MUC7: variants seen among roughly 807,000 people sequenced by gnomAD.
The protein encoded by MUC7 is mucin-7.
MUC7 carries 2 observed loss-of-function variants against 2.5 expected under a neutral mutation model. The observed-to-expected ratio is 0.81, with a 90% CI of 0.33 to 2.55. The LOEUF (loss-of-function observed/expected upper bound fraction) is 2.55. Among genes scored for constraint, MUC7 ranks in the 30% most tolerant of loss-of-function variants. The pLI is 0.11. For synonymous variants in MUC7, 133 were observed against 173.4 expected, an observed-to-expected ratio of 0.77 and a Z score of 1.83; for missense variants, 408 against 455.6, an observed-to-expected ratio of 0.90 and a Z score of 0.95.
intron 1 of MUC7, among the ~76,000 whole-genome samples, chr4:70,443,742 T>C (rs769291987): frequency 8.6e-5 from 13 of 152,014 alleles, no homozygotes; most frequent in Non-Finnish European, 4.4e-5. Context: ...CAAAAACTTA[T>C]AGATGAAAAT....
intron 1 of MUC7, among the ~76,000 whole-genome samples, chr4:70,436,371 C>T (rs1733833156): frequency 6.6e-6 from 1 of 152,050 alleles, no homozygotes; most frequent in South Asian, 2.1e-4. Flanking sequence ...TCACATAGTC[C>T]CATATTTCCT....
intron 1 of MUC7, among the ~76,000 whole-genome samples, chr4:70,431,219 T>G (rs1303293199): frequency 1.3e-5 from 2 of 152,064 alleles, no homozygotes; most frequent in African/African-American, 4.8e-5. Context: ...ATGAGAAAAA[T>G]GTTTTTACAA....
chr4:70,438,872 G>A (rs562923830), intron 1 of MUC7, among the ~76,000 whole-genome samples: 1 of 152,128 alleles, frequency 6.6e-6, no homozygotes, highest in African/African-American at 2.4e-5. Flanking sequence ...TATATTCAAG[G>A]GACACTAATA....
Position 70,434,626 on chromosome 4 carries a change from C to T in MUC7, c.-93+3939C>T, listed in dbSNP as rs560506725. Among the ~76,000 whole-genome samples the T allele has an allele frequency of 7.2e-5, 11 of 152,170 alleles. No homozygotes were observed. In the South Asian group the frequency reaches 2.3e-3, roughly 32 times the overall value. ...CTTCTCTCTTTTCTTATTAGTCTTG[C>T]TAGCAGTCTATTTTGCTGATCTTTT... On this transcript the variant is annotated intron_variant, in intron 1 of 3. Coordinates refer to the MUC7 transcript ENST00000413702.
intron 1 of MUC7, among the ~76,000 whole-genome samples, chr4:70,461,149 T>A (rs1734547301): frequency 6.6e-6 from 1 of 152,230 alleles, no homozygotes; most frequent in Non-Finnish European, 1.5e-5. Flanking sequence ...TACATGTTAC[T>A]CATGCCTTCT....
chr4:70,451,040 G>A (rs1008390864), intron 1 of MUC7, among the ~76,000 whole-genome samples: 3 of 152,090 alleles, frequency 2.0e-5, no homozygotes, highest in Non-Finnish European at 4.4e-5. Context: ...CAGCCTTTAT[G>A]GCCTAGACTG....
intron 1 of MUC7, among the ~76,000 whole-genome samples, chr4:70,444,104 T>C (rs752664877): frequency 6.6e-6 from 1 of 152,194 alleles, no homozygotes; most frequent in Non-Finnish European, 1.5e-5. Context: ...TTGTGACATT[T>C]GCAATGCTAA....
intron 2 of MUC7, among the ~76,000 whole-genome samples, chr4:70,480,430 C>T (rs545653762): frequency 3.3e-5 from 5 of 152,160 alleles, no homozygotes; most frequent in Non-Finnish European, 7.3e-5. Context: ...GTTTTGTGAA[C>T]AGGCTGAGCA....
rs1428393327 is a variant in MUC7 at position 70,480,662 on chromosome 4, A to G, written c.55-137A>G. ...GAAACTTGGTGAAATTAGGAAGATA[A>G]TCACTTGACTCAATAATGTACTCTG... is the stretch of plus-strand genomic sequence containing the variant. On this transcript the variant is annotated intron_variant, in intron 2 of 2. Transcript: ENST00000304887. The G allele has an allele frequency of 3.4e-6, 3 of 885,312 alleles. No homozygotes were observed. The African/African-American group carries it at 5.1e-5, about 15-fold the overall frequency. The allele number at this position is 885,312 out of a possible 1,614,324, so 54.8% of individuals were successfully genotyped here. A position where few individuals can be genotyped will look rare whatever the true frequency, so the allele number is the denominator to read the frequency against.
chr4:70,480,793 C>A lies in MUC7; in HGVS notation c.55-6C>A, dbSNP rs774657877. On this transcript the variant is annotated splice_polypyrimidine_tract_variant and splice_region_variant and intron_variant, in intron 2 of 2. Transcript: ENST00000304887. Reference sequence around the variant, plus strand: ...TCATTTCTTACATTTTCTTTCTTTTCTGCAGTTCAGTGAAGGTCGAGAAAG... The same window carrying A: ...TCATTTCTTACATTTTCTTTCTTTTATGCAGTTCAGTGAAGGTCGAGAAAG... The A allele has an allele frequency of 2.5e-6, 4 of 1,607,224 alleles. No homozygotes were observed. The East Asian group carries it at 6.7e-5, about 27-fold the overall frequency.
chr4:70,432,291 T>C (rs1038046133), intron 1 of MUC7, among the ~76,000 whole-genome samples: 2 of 152,226 alleles, frequency 1.3e-5, no homozygotes, highest in African/African-American at 4.8e-5. Flanking sequence ...TCAAATGGTA[T>C]TTCTAGTTTT....
chr4:70,473,709 A>G (rs974925323), intron 1 of MUC7, among the ~76,000 whole-genome samples: 2 of 152,208 alleles, frequency 1.3e-5, no homozygotes, highest in African/African-American at 4.8e-5. Context: ...TCTTATTGCT[A>G]AACTTCCTAA....
chr4:70,472,132 T>C (rs537252629), upstream of MUC7: 9 of 152,222 alleles, frequency 5.9e-5, no homozygotes, highest in Admixed American at 2.6e-4. Context: ...TTAAATCTAA[T>C]AGATTTCCTA....
At chr4:70,434,745 C>A (rs113776132) in intron 1 of MUC7, among the ~76,000 whole-genome samples, 1 of 152,128 alleles carries the variant, frequency 6.6e-6, no homozygotes, top group Non-Finnish European at 1.5e-5. Context: ...TTGCCTTCTG[C>A]GAGCTTTTGA....
At chr4:70,446,165 G>C (rs1734129274) in intron 1 of MUC7, among the ~76,000 whole-genome samples, 1 of 152,146 alleles carries the variant, frequency 6.6e-6, no homozygotes, top group African/African-American at 2.4e-5. Flanking sequence ...ATGTGCATGG[G>C]TTACTATGCC....
At chr4:70,438,591 G>C (rs993921630) in intron 1 of MUC7, among the ~76,000 whole-genome samples, 3 of 151,994 alleles carry the variant, frequency 2.0e-5, no homozygotes, top group Non-Finnish European at 2.9e-5. Context: ...CAAGTACCTG[G>C]GACTACGGGC....
At chr4:70,442,499 T>G (rs796572144) in intron 1 of MUC7, among the ~76,000 whole-genome samples, 3 of 151,340 alleles carry the variant, frequency 2.0e-5, no homozygotes, top group African/African-American at 7.3e-5. Context: ...AGGCCAAACA[T>G]CCTCCTCAAT....
intron 2 of MUC7, 54 bp downstream of exon 2, chr4:70,474,129 G>A (rs2306947): frequency 0.16 from 232,158 of 1,468,312 alleles, 19,382 homozygotes; most frequent in South Asian, 0.2. Context: ...CAAACATTTA[G>A]TGTACCTACC....
intron 1 of MUC7, among the ~76,000 whole-genome samples, chr4:70,473,055 A>T (rs1209354322): frequency 6.6e-6 from 1 of 152,190 alleles, no homozygotes; most frequent in African/African-American, 2.4e-5. Flanking sequence ...GTTATTCAAA[A>T]AAAATATGTA....
Sources: gnomAD v4.1 joint callset for allele counts (sites outside exome capture counted in the v4.1 genomes callset) on GRCh38, gnomAD v4.1.1 for gene constraint, MANE v1.5 for transcripts, NCBI Gene and HGNC (gene_info 2026-07-23, HGNC 2026-07-21) for gene names.